The following SLC16A6 variants were observed in gnomAD, a reference collection of about 807,000 sequenced individuals.
The protein encoded by SLC16A6 is monocarboxylate transporter 7.
SLC16A6 carries 15 observed loss-of-function variants against 33.8 expected under a neutral mutation model. The ratio of observed to expected loss-of-function variants is 0.44; its 90% CI spans 0.30 to 0.68. The LOEUF is 0.68. Ranked by LOEUF, SLC16A6 falls within the 30% of genes least tolerant of loss-of-function variation. SLC16A6 has a pLI of 0.10. For missense variants in SLC16A6, 451 were observed against 661.5 expected (o/e 0.68, Z 3.49); for synonymous variants, 219 against 248.4 (o/e 0.88, Z 1.11).
At position 68,278,216 on chromosome 17, in the gene SLC16A6, T is replaced by C. The variant is rs150301705; in HGVS notation, c.105A>G (p.Glu35=). ...TCTTGATGATGCCGTAGGTGAAGAC[T>C]TCAACGAAGAAAAATGAAACAGCTA... ...WAVAVSFFFV[E]VFTYGIIKTF... The change falls in exon 2 of 6, where the codon GAA becomes GAG. Residue 35 remains glutamate, a synonymous_variant. Coordinates refer to ENST00000580666, the MANE Select transcript of SLC16A6 (RefSeq NM_004694.5). 3.5e-4 allele frequency: 557 copies of C among 1,614,044 alleles called. No individual in the cohort carries two copies. Among genetic ancestry groups the C allele is most frequent in the Non-Finnish European group, 4.2e-4 (497 of 1,180,020 alleles).
chr17:68,291,039 A>G (rs1202761403), intron 1 of SLC16A6, 47 bp downstream of exon 1: 1 of 152,210 alleles, frequency 6.6e-6, no homozygotes, highest in Non-Finnish European at 1.5e-5. Flanking sequence ...AACAACCCAC[A>G]TCCCACAATC....
Position 68,274,191 on chromosome 17 carries a change from C to T in SLC16A6, c.233-121G>A, listed in dbSNP as rs373543576. ...GATGTCGAATATAAATATGGCCGAG[C>T]GCAGTGGCTCATGCCTGTAATCCCA... On this transcript the variant is annotated intron_variant, in intron 2 of 5. Coordinates refer to ENST00000580666, the MANE Select transcript of SLC16A6 (RefSeq NM_004694.5). 15 of 1,062,394 alleles carry T rather than the reference C, an allele frequency of 1.4e-5. No homozygotes were observed. The Middle Eastern group carries it at 9.0e-4, about 64-fold the overall frequency. 65.8% of individuals were successfully genotyped at this position (1,062,394 alleles called of 1,614,324 possible). A position where few individuals can be genotyped will look rare whatever the true frequency, so the allele number is the denominator to read the frequency against.
At position 68,271,895 on chromosome 17, in the gene SLC16A6, C is replaced by T. The variant is rs763427873; in HGVS notation, c.506-241G>A. On this transcript the variant is annotated intron_variant, in intron 4 of 5. Coordinates refer to ENST00000580666, the MANE Select transcript of SLC16A6 (RefSeq NM_004694.5). This position sits in a 1 kb window ranked among gnomAD's most constrained non-coding sequence, Gnocchi z 5.3. ...TCAGCTCACCGCAACCTCCACCTCC[C>T]GGGTTCAAGCGATTCTCCTGCCTCA... Among the ~76,000 whole-genome samples, 12 of 152,312 alleles carry T rather than the reference C, an allele frequency of 7.9e-5. No individual in the cohort carries two copies. The highest frequency in any genetic ancestry group is 1.3e-4 in the Non-Finnish European group (9 of 68,030).
At chr17:68,280,058 T>C (rs1050064829) in intron 1 of SLC16A6, among the ~76,000 whole-genome samples, 2 of 151,608 alleles carry the variant, frequency 1.3e-5, no homozygotes, top group Non-Finnish European at 2.9e-5. Flanking sequence ...GGCAGGCACC[T>C]GTAATCCCAG....
At chr17:68,282,785 A>AAAAAAAAAAAAAAAAAAAAAAAAG (rs2075735915) in intron 1 of SLC16A6, among the ~76,000 whole-genome samples, 1 of 146,030 alleles carries the variant, frequency 6.8e-6, no homozygotes, top group Non-Finnish European at 1.5e-5. Context: ...CTACTAAAAA[A>AAAAAAAAAAAAAAAAAAAAAAAAG]AAAAAAAAAA....
At chr17:68,280,732 G>T (rs910779639) in intron 1 of SLC16A6, among the ~76,000 whole-genome samples, 1 of 152,200 alleles carries the variant, frequency 6.6e-6, no homozygotes, top group African/African-American at 2.4e-5. Flanking sequence ...TCTGAGGAAA[G>T]ATTTTTATGG....
chr17:68,269,156 A>G lies in SLC16A6; in HGVS notation c.1512T>C (p.Phe504=). ...GKTLQDIPED[F]LEMDLAKNEH... is the part of the protein sequence containing the mutation. The stretch of plus-strand genomic sequence containing the variant: ...CATTTTTTGCAAGATCCATTTCCAG[A>G]AAGTCTTCAGGTATGTCCTGTAAAG... The change falls in exon 6 of 6, where the codon TTT becomes TTC. Residue 504 remains phenylalanine, a synonymous_variant. Transcript: ENST00000580666. 6.5e-7 allele frequency: 1 copy of G among 1,528,260 alleles called. No individual in the cohort carries two copies. The highest frequency in any genetic ancestry group is 2.3e-5 in the Admixed American group (1 of 43,818). 94.7% of individuals were successfully genotyped at this position (1,528,260 alleles called of 1,614,324 possible).
intron 1 of SLC16A6, among the ~76,000 whole-genome samples, chr17:68,281,834 C>T (rs1555752878): frequency 6.6e-6 from 1 of 151,922 alleles, no homozygotes; most frequent in African/African-American, 2.4e-5. Context: ...CTAGTACGGC[C>T]AATAAGGAGA....
intron 4 of SLC16A6, among the ~76,000 whole-genome samples, chr17:68,272,228 G>A (rs1220331725): frequency 6.6e-6 from 1 of 152,034 alleles, no homozygotes; most frequent in Non-Finnish European, 1.5e-5. Flanking sequence ...GTAAGCCACC[G>A]TGCTCAGTTA....
Position 68,268,401 on chromosome 17 carries a change from A to T in SLC16A6, c.*695T>A, listed in dbSNP as rs35566458. 25,383 of 150,148 alleles carry T rather than the reference A, an allele frequency of 0.17. 2,733 individuals carry two copies. The highest frequency in any genetic ancestry group is 0.29 in the Middle Eastern group (85 of 294). 9.3% of individuals were successfully genotyped at this position (150,148 alleles called of 1,614,324 possible). ...AGGACTGGCCATAAAAAGAAGTGGT[A>T]ATCTTCACATTTATGAAGTTCAAGT... On this transcript the variant is annotated 3_prime_UTR_variant, in exon 6 of 6. Coordinates refer to ENST00000580666, the MANE Select transcript of SLC16A6 (RefSeq NM_004694.5).
At chr17:68,282,712 G>A (rs1285556950) in intron 1 of SLC16A6, among the ~76,000 whole-genome samples, 1 of 148,502 alleles carries the variant, frequency 6.7e-6, no homozygotes, top group Non-Finnish European at 1.5e-5. Flanking sequence ...GGGAGGCCGA[G>A]ATGGGTGGAT....
intron 4 of SLC16A6, among the ~76,000 whole-genome samples, chr17:68,272,106 T>A (rs12945324): frequency 3.9e-5 from 6 of 152,116 alleles, no homozygotes; most frequent in African/African-American, 1.4e-4. Flanking sequence ...TGGCCTTTTT[T>A]TGTGTGTTTT....
At chr17:68,287,592 G>A (rs890672897) in intron 1 of SLC16A6, among the ~76,000 whole-genome samples, 4 of 152,112 alleles carry the variant, frequency 2.6e-5, no homozygotes, top group Non-Finnish European at 5.9e-5. Context: ...ACTTTCACCT[G>A]CATTCTTGGG....
Position 68,271,250 on chromosome 17 carries a change from C to G in SLC16A6, c.910G>C (p.Ala304Pro). ...GAAGGTGCAAAGAATCCCAGTGTTG[C>G]AAAGAGACCAAATAATGCATAACAA... ...FICYALFGLFATLGFFAPSLY... is the reference protein window; with the variant it reads ...FICYALFGLFPTLGFFAPSLY... The change falls in exon 5 of 6, where the codon GCA (alanine) becomes CCA (proline). Residue 304 changes from alanine to proline, a missense_variant. By Grantham distance (27) the Ala-to-Pro change is conservative. Coordinates refer to ENST00000580666, the MANE Select transcript of SLC16A6 (RefSeq NM_004694.5). This position sits in a 1 kb window ranked among gnomAD's most constrained non-coding sequence, Gnocchi z 5.3. The G allele has an allele frequency of 6.2e-7, 1 of 1,614,152 alleles. No individual in the cohort carries two copies. The highest frequency in any genetic ancestry group is 2.2e-5 in the East Asian group (1 of 44,890).
Position 68,271,283 on chromosome 17 carries a change from T to C in SLC16A6, c.877A>G (p.Ser293Gly). Residue 293 changes from serine to glycine, a missense_variant, in exon 5 of 6, where the codon AGT becomes GGT. This residue lies in a region of SLC16A6 where 405 missense variants were observed against 510.7 expected (regional missense o/e 0.79). Transcript: ENST00000580666. The surrounding 1 kb of genome is among the most constrained non-coding windows in gnomAD (Gnocchi z 5.3). ...CCAAATAATGCATAACAAATAAAAC[T>C]TTTCTCTTTCAAAATGGAGAAGTCT... ...LLDFSILKEK[S>G]FICYALFGLF... 1 of 1,614,186 alleles carries C rather than the reference T, an allele frequency of 6.2e-7. No individual in the cohort carries two copies.
intron 1 of SLC16A6, among the ~76,000 whole-genome samples, chr17:68,279,989 C>T (rs1415731048): frequency 6.6e-6 from 1 of 151,918 alleles, no homozygotes; most frequent in African/African-American, 2.4e-5. Context: ...CGAGACCAGC[C>T]TGGCCAACAT....
rs144340592 is a variant in SLC16A6, at chr17:68,273,849, C to A, written c.376+78G>T. ...AGAAAGAGAAAGAAATATAGTTTGGCTTTAATTTCCTCCTTCCCCTTCCTT... is the reference window on the plus strand; with the variant it reads ...AGAAAGAGAAAGAAATATAGTTTGGATTTAATTTCCTCCTTCCCCTTCCTT... On this transcript the variant is annotated intron_variant, in intron 3 of 5. Transcript: ENST00000580666. The A allele has an allele frequency of 5.7e-4, 857 of 1,515,228 alleles. 5 individuals are homozygous for A. In the African/African-American group the frequency reaches 0.011, roughly 19 times the overall value. 93.9% of individuals were successfully genotyped at this position (1,515,228 alleles called of 1,614,324 possible). A position where few individuals can be genotyped will look rare whatever the true frequency, so the allele number is the denominator to read the frequency against.
intron 1 of SLC16A6, among the ~76,000 whole-genome samples, chr17:68,289,294 A>T (rs1405396158): frequency 6.6e-6 from 1 of 152,164 alleles, no homozygotes; most frequent in Non-Finnish European, 1.5e-5. Context: ...CCCTGCCTCT[A>T]AACAAATAAA....
rs1212326503 is a variant in SLC16A6, at chr17:68,271,354, A to C, written c.806T>G (p.Leu269Arg). 6 of 1,614,282 alleles carry C rather than the reference A, an allele frequency of 3.7e-6. No homozygotes were observed. The highest frequency in any genetic ancestry group is 1.7e-5 in the Admixed American group (1 of 60,038). ...LEPKADMQQV[L>R]VKTSPRPSEK... is the part of the protein sequence containing the mutation. ...GCTTGGCCTGGGGCTGGTCTTCACC[A>C]GGACCTGCTGCATGTCGGCCTTCGG... The change falls in exon 5 of 6, where the codon CTG becomes CGG. Residue 269 changes from leucine to arginine, a missense_variant. Around this residue, in one of 2 missense-constraint regions of SLC16A6, gnomAD observed 405 missense variants for 510.7 expected, o/e 0.79. Coordinates refer to ENST00000580666, the MANE Select transcript of SLC16A6 (RefSeq NM_004694.5). This position sits in a 1 kb window ranked among gnomAD's most constrained non-coding sequence, Gnocchi z 5.3.
Sources: allele counts gnomAD v4.1 joint callset (sites outside exome capture counted in the v4.1 genomes callset), GRCh38; gene constraint gnomAD v4.1.1; regional missense constraint gnomAD v4.1.1; non-coding constraint Gnocchi (gnomAD v3.1); transcripts MANE v1.5; gene names NCBI Gene and HGNC (gene_info 2026-07-23, HGNC 2026-07-21).